Variants in DAB2IP observed in about 807,000 individuals in gnomAD.
DAB2IP encodes disabled homolog 2-interacting protein.
A neutral mutation model predicts 107.2 loss-of-function variants in DAB2IP; 28 were observed. The ratio of observed to expected loss-of-function variants is 0.26; its 90% confidence interval spans 0.19 to 0.36. DAB2IP has a LOEUF of 0.36. Among genes scored for constraint, DAB2IP ranks in the 10% least tolerant of loss-of-function variants. The probability of loss-of-function intolerance (pLI) is 1.00; values close to 1 mark genes in which losing one functional copy is unlikely to be tolerated. For missense variants in DAB2IP, 1,400 were observed against 1,644.7 expected (o/e 0.85, Z 2.57); for synonymous variants, 755 against 706.4 (o/e 1.07, Z -1.09).
chr9:121,704,630 A>G (rs1829966683), intron 3 of DAB2IP, among the ~76,000 whole-genome samples: 1 of 152,134 alleles, frequency 6.6e-6, no homozygotes, highest in South Asian at 2.1e-4. Context: ...CAAGGAATTC[A>G]TTAATTACCT....
At chr9:121,774,463 G>A in intron 13 of DAB2IP, 51 bp downstream of exon 13, 1 of 1,524,360 alleles carries the variant, frequency 6.6e-7, no homozygotes, top group Non-Finnish European at 8.8e-7. Flanking sequence ...CCTCCCGGCA[G>A]CAGCTGGTAG....
intron 1 of DAB2IP, among the ~76,000 whole-genome samples, chr9:121,588,079 G>A (rs767739766): frequency 2.6e-5 from 4 of 152,122 alleles, no homozygotes; most frequent in Non-Finnish European, 4.4e-5. Context: ...TACCACTGCT[G>A]TGGCAATAAT....
In DAB2IP at chr9:121,782,900, G is replaced by A; in HGVS notation, c.*402G>A. On this transcript the variant is annotated 3_prime_UTR_variant, in exon 16 of 16. Transcript: ENST00000408936. This position sits in a 1 kb window ranked among gnomAD's most constrained non-coding sequence, Gnocchi z 6.1. ...CCTGGAGGGGGGATTCAAGGGCTAG[G>A]GGCCTACACCTGTGGCTTCCCCTCG... 9.6e-7 allele frequency: 1 copy of A among 1,045,098 alleles called. No individual in the cohort carries two copies. The highest frequency in any genetic ancestry group is 1.2e-6 in the Non-Finnish European group (1 of 867,460). The allele number at this position is 1,045,098 out of a possible 1,614,324, so 64.7% of individuals were successfully genotyped here. A position where few individuals can be genotyped will look rare whatever the true frequency, so the allele number is the denominator to read the frequency against.
At chr9:121,593,780 G>C (rs1226131750) in intron 1 of DAB2IP, among the ~76,000 whole-genome samples, 2 of 149,310 alleles carry the variant, frequency 1.3e-5, no homozygotes, top group Non-Finnish European at 3.0e-5. Context: ...CGATTCTCCT[G>C]CCTCAGCCTC....
chr9:121,601,189 A>G (rs1830674943), intron 1 of DAB2IP, among the ~76,000 whole-genome samples: 1 of 152,114 alleles, frequency 6.6e-6, no homozygotes, highest in African/African-American at 2.4e-5. Context: ...GGAGGTAACT[A>G]TTGTAAATGG....
At chr9:121,765,680 A>G (rs923083510) in intron 8 of DAB2IP, among the ~76,000 whole-genome samples, 2 of 152,138 alleles carry the variant, frequency 1.3e-5, no homozygotes, top group Non-Finnish European at 2.9e-5. Context: ...GACTGAGTTC[A>G]CGGACCACTG....
chr9:121,706,781 C>T (rs960867630), intron 3 of DAB2IP, among the ~76,000 whole-genome samples: 7 of 152,342 alleles, frequency 4.6e-5, no homozygotes, highest in Non-Finnish European at 8.8e-5. Flanking sequence ...GGCTGTCCTC[C>T]CTTGTGTATA....
intron 1 of DAB2IP, among the ~76,000 whole-genome samples, chr9:121,607,340 G>A (rs1213152049): frequency 6.6e-6 from 1 of 152,074 alleles, no homozygotes; most frequent in Non-Finnish European, 1.5e-5. Flanking sequence ...GTCTTGCTCT[G>A]TTACCCAGGC....
At position 121,572,734 on chromosome 9, in the gene DAB2IP, A is replaced by G. The variant is rs113697467; in HGVS notation, c.40+5506A>G. ...GAGCTCTGGAGGAGTAAGGAGGCAA[A>G]ACAGTGTGAGGCTGGACACCTGTCA... On this transcript the variant is annotated intron_variant, in intron 1 of 16. Transcript: ENST00000259371. Among the ~76,000 whole-genome samples the G allele has an allele frequency of 5.4e-4, 82 of 152,220 alleles. 3 individuals are homozygous for G. Among genetic ancestry groups the G allele is most frequent in the African/African-American group, 1.7e-3 (72 of 41,488 alleles).
intron 6 of DAB2IP, among the ~76,000 whole-genome samples, chr9:121,761,345 T>C (rs1833875305): frequency 6.6e-6 from 1 of 152,258 alleles, no homozygotes; most frequent in Non-Finnish European, 1.5e-5. Context: ...GGCTAAGGAC[T>C]GGGCCTCTGC....
chr9:121,769,303 G>A (rs1834522938), intron 10 of DAB2IP, among the ~76,000 whole-genome samples: 1 of 152,228 alleles, frequency 6.6e-6, no homozygotes, highest in African/African-American at 2.4e-5. Flanking sequence ...CCCTAGAGGT[G>A]ACCGCTCAGA....
chr9:121,709,723 C>T (rs574614292), intron 3 of DAB2IP, among the ~76,000 whole-genome samples: 1 of 152,292 alleles, frequency 6.6e-6, no homozygotes, highest in Admixed American at 6.5e-5. Context: ...AAGAAGCACC[C>T]GTGTGGCAGG....
rs577884276 is a variant in DAB2IP, at chr9:121,682,933, C to A, written c.228+4152C>A. Reference sequence around the variant, plus strand: ...TGCTACGAGGCTGGCATGTGCCCTGCAAGTTATAGGGGGCCCTGAATGAGG... The same window carrying A: ...TGCTACGAGGCTGGCATGTGCCCTGAAAGTTATAGGGGGCCCTGAATGAGG... On this transcript the variant is annotated intron_variant, in intron 2 of 15. Transcript: ENST00000408936. 4.6e-5 allele frequency among the ~76,000 whole-genome samples: 7 copies of A among 152,096 alleles called. No individual in the cohort carries two copies. In the East Asian group the frequency reaches 1.4e-3, roughly 29 times the overall value.
chr9:121,610,111 T>G lies in DAB2IP; in HGVS notation c.40+42883T>G, dbSNP rs979257935. ...AAAACAAACCTTTTGGTTGGGACTT[T>G]GTACTTGGCTCATGAACTGTGGGCT... On this transcript the variant is annotated intron_variant, in intron 1 of 16. Transcript: ENST00000259371. Among the ~76,000 whole-genome samples the G allele has an allele frequency of 1.3e-5, 2 of 152,284 alleles. 1 individual carries two copies. Among genetic ancestry groups the G allele is most frequent in the South Asian group, 4.1e-4 (2 of 4,828 alleles).
chr9:121,776,447 G>A lies in DAB2IP; in HGVS notation c.3314+56G>A. 1.4e-6 allele frequency: 2 copies of A among 1,457,508 alleles called. No homozygotes were observed. Among genetic ancestry groups the A allele is most frequent in the Non-Finnish European group, 1.8e-6 (2 of 1,103,414 alleles). The allele number at this position is 1,457,508 out of a possible 1,614,324, so 90.3% of individuals were successfully genotyped here. A position where few individuals can be genotyped will look rare whatever the true frequency, so the allele number is the denominator to read the frequency against. On this transcript the variant is annotated intron_variant, in intron 14 of 15. Coordinates refer to ENST00000408936, the Ensembl canonical transcript of DAB2IP. This position sits in a 1 kb window ranked among gnomAD's most constrained non-coding sequence, Gnocchi z 5.4. The stretch of plus-strand genomic sequence containing the variant: ...AGGCACAGGCAGGGCAGCCATCGCT[G>A]CCTTCGAGGAGGCCCCTGGTCGGGG...
At chr9:121,731,173 C>G (rs905684621) in intron 3 of DAB2IP, among the ~76,000 whole-genome samples, 2 of 152,216 alleles carry the variant, frequency 1.3e-5, no homozygotes, top group African/African-American at 4.8e-5. Flanking sequence ...GTACCTTCCC[C>G]TCTCTACTAA....
intron 10 of DAB2IP, among the ~76,000 whole-genome samples, chr9:121,769,891 C>T (rs1168857952): frequency 1.3e-5 from 2 of 152,242 alleles, no homozygotes; most frequent in East Asian, 1.9e-4. Context: ...GTTTGCCTCT[C>T]AATTGCGTGC....
In DAB2IP at chr9:121,771,646, C is replaced by T. The variant is rs533262092; in HGVS notation, c.2078+922C>T. ...AGCCCTTGAGAGGCTGAGAGGCAGC[C>T]GGGCCCGTGAGTTCTGAAAAGACTG... On this transcript the variant is annotated intron_variant, in intron 11 of 15. Transcript: ENST00000408936. 1.1e-4 allele frequency among the ~76,000 whole-genome samples: 17 copies of T among 152,246 alleles called. No individual in the cohort carries two copies. The East Asian group carries it at 2.9e-3, about 26-fold the overall frequency.
intron 1 of DAB2IP, among the ~76,000 whole-genome samples, chr9:121,608,018 G>A (rs1403142813): frequency 6.6e-6 from 1 of 152,232 alleles, no homozygotes; most frequent in East Asian, 1.9e-4. Context: ...CGCTGCTTCC[G>A]GGAGGAGAGA....
Sources: gnomAD v4.1 joint callset for allele counts (sites outside exome capture counted in the v4.1 genomes callset) on GRCh38, gnomAD v4.1.1 for gene constraint, Gnocchi (gnomAD v3.1) non-coding constraint, MANE v1.5 for transcripts, NCBI Gene and HGNC (gene_info 2026-07-23, HGNC 2026-07-21) for gene names.